Variants in PAK4 observed in about 807,000 individuals in gnomAD.
PAK4 encodes the protein p21 (RAC1) activated kinase 4, also known as serine/threonine-protein kinase PAK 4.
PAK4 carries 49 observed loss-of-function variants against 53.5 expected under a neutral mutation model. The observed-to-expected ratio is 0.92, with a 90% CI of 0.73 to 1.16. The LOEUF (loss-of-function observed/expected upper bound fraction) is 1.16. Ranked by LOEUF, PAK4 falls within the 50% of genes most tolerant of loss-of-function variation. The probability of loss-of-function intolerance (pLI) is 0.00; values close to 1 mark genes in which losing one functional copy is unlikely to be tolerated. For missense variants in PAK4, 824 were observed against 850.7 expected, an observed-to-expected ratio of 0.97 and a Z score of 0.39; for synonymous variants, 376 against 375.6, an observed-to-expected ratio of 1.00 and a Z score of -0.01.
intron 1 of PAK4, among the ~76,000 whole-genome samples, chr19:39,165,795 C>T (rs745651744): frequency 4.6e-5 from 7 of 152,162 alleles, no homozygotes; most frequent in East Asian, 1.9e-4. Flanking sequence ...GAGGATGGAA[C>T]GGGATTAGAC....
chr19:39,182,042 G>T (rs1181743257), downstream of PAK4: 1 of 152,160 alleles, frequency 6.6e-6, no homozygotes, highest in Non-Finnish European at 1.5e-5. Flanking sequence ...CACACCCTCC[G>T]GGGGATGCCG....
In PAK4 at chr19:39,178,161, T is replaced by C. The variant is rs2074646945; in HGVS notation, c.1621-263T>C. On this transcript the variant is annotated intron_variant, in intron 8 of 8. Transcript: ENST00000358301. The surrounding 1 kb of genome is among the most constrained non-coding windows in gnomAD (Gnocchi z 4.4). ...CTCTGGGCCCCAGTTGCTTTCAGCT[T>C]CTTGCTAAACCATGGAAATAGGGAG... Among the ~76,000 whole-genome samples the C allele has an allele frequency of 6.6e-6, 1 of 152,132 alleles. No homozygotes were observed. Among genetic ancestry groups the C allele is most frequent in the Admixed American group, 6.5e-5 (1 of 15,288 alleles).
Position 39,142,268 on chromosome 19 carries a change from C to CT in PAK4, c.-23+16350dup, listed in dbSNP as rs1432193308. Among the ~76,000 whole-genome samples, 6 of 152,310 alleles carry CT rather than the reference C, an allele frequency of 3.9e-5. No homozygotes were observed. The East Asian group carries it at 1.2e-3, about 29-fold the overall frequency. On this transcript the variant is annotated intron_variant, in intron 1 of 8. Transcript: ENST00000358301. ...CTTGTGGTGTCATTGCACGTGTTCTCTGTCTCTGTGCTTCCTGTAAGTTAG... is the reference window on the plus strand; with the variant it reads ...CTTGTGGTGTCATTGCACGTGTTCTCTTGTCTCTGTGCTTCCTGTAAGTTAG...
At chr19:39,143,191 C>T (rs567030152) in intron 1 of PAK4, among the ~76,000 whole-genome samples, 1 of 151,628 alleles carries the variant, frequency 6.6e-6, no homozygotes, top group East Asian at 2.0e-4. Context: ...AGAGCAGAGA[C>T]TCTTGTCTTA....
chr19:39,162,590 C>CAGCCT (rs1237932479), intron 1 of PAK4, among the ~76,000 whole-genome samples: 1 of 152,110 alleles, frequency 6.6e-6, no homozygotes, highest in Non-Finnish European at 1.5e-5. Context: ...TTGAGAATTC[C>CAGCCT]AGCCTCCCCT....
At chr19:39,137,808 A>G (rs939131533) in intron 1 of PAK4, among the ~76,000 whole-genome samples, 2 of 151,674 alleles carry the variant, frequency 1.3e-5, no homozygotes, top group African/African-American at 2.4e-5. Flanking sequence ...CTGGGACTAC[A>G]GTCGTGCGCC....
chr19:39,174,158 G>T (rs1412720646), intron 4 of PAK4, 148 bp downstream of exon 5: 3 of 619,408 alleles, frequency 4.8e-6, no homozygotes, highest in Non-Finnish European at 8.5e-6. Context: ...AGGCCGTCTC[G>T]TCCGCCCCAG....
At chr19:39,156,342 C>G (rs538975900) in intron 1 of PAK4, among the ~76,000 whole-genome samples, 1 of 151,902 alleles carries the variant, frequency 6.6e-6, no homozygotes, top group Admixed American at 6.6e-5. Context: ...GCCACCCCCA[C>G]GTACATACCC....
intron 1 of PAK4, among the ~76,000 whole-genome samples, chr19:39,136,916 A>G (rs1160834764): frequency 6.6e-6 from 1 of 152,194 alleles, no homozygotes; most frequent in Non-Finnish European, 1.5e-5. Context: ...AGGCTGAGGC[A>G]GCTGCCATTG....
At chr19:39,180,330 A>AG (rs1184311938), downstream of PAK4, 1 of 152,210 alleles carries the variant, frequency 6.6e-6, no homozygotes. Flanking sequence ...AAAAAAAAAA[A>AG]TGCTAACATT....
chr19:39,177,945 C>A, intron 8 of PAK4, 136 bp downstream of exon 9: 1 of 1,013,970 alleles, frequency 9.9e-7, no homozygotes, highest in South Asian at 1.7e-5. Flanking sequence ...GCCCCCCACC[C>A]CCGGGCCTCA....
intron 1 of PAK4, among the ~76,000 whole-genome samples, chr19:39,151,204 G>A (rs2074088861): frequency 1.3e-5 from 2 of 152,332 alleles, no homozygotes; most frequent in South Asian, 4.1e-4. Flanking sequence ...GCAGAAAAAG[G>A]CAAAGGCTTT....
intron 1 of PAK4, among the ~76,000 whole-genome samples, chr19:39,130,848 T>C (rs1418041146): frequency 1.3e-5 from 2 of 148,346 alleles, no homozygotes; most frequent in African/African-American, 5.0e-5. Context: ...TTTCCCCTTA[T>C]AAAGATTGCT....
intron 1 of PAK4, among the ~76,000 whole-genome samples, chr19:39,129,531 C>T (rs1038156557): frequency 6.6e-5 from 10 of 152,150 alleles, no homozygotes; most frequent in Non-Finnish European, 1.0e-4. Flanking sequence ...CAGCAGGCTC[C>T]GGGGCTCCCT....
chr19:39,135,787 C>A (rs899521622), intron 1 of PAK4, among the ~76,000 whole-genome samples: 1 of 89,732 alleles, frequency 1.1e-5, no homozygotes. Context: ...AGGCTCCCGG[C>A]CCCCATCTTC....
At chr19:39,151,528 G>GC (rs931536970) in intron 1 of PAK4, among the ~76,000 whole-genome samples, 4 of 152,210 alleles carry the variant, frequency 2.6e-5, no homozygotes, top group Non-Finnish European at 5.9e-5. Context: ...AGTGAGTGTT[G>GC]CCGCACCATT....
chr19:39,127,391 GGTCGCTCAC>G (rs1379154622), intron 1 of PAK4, among the ~76,000 whole-genome samples: 1 of 151,936 alleles, frequency 6.6e-6, no homozygotes, highest in Non-Finnish European at 1.5e-5. Flanking sequence ...CTCACTGACG[GGTCGCTCAC>G]TCTCAGCTGG....
chr19:39,157,977 TCA>T (rs1330531378), intron 1 of PAK4, among the ~76,000 whole-genome samples: 1 of 152,218 alleles, frequency 6.6e-6, no homozygotes, highest in African/African-American at 2.4e-5. Context: ...TGGCATGTCC[TCA>T]CATGCATCTG....
chr19:39,151,221 A>G (rs1175552924), intron 1 of PAK4, among the ~76,000 whole-genome samples: 1 of 152,226 alleles, frequency 6.6e-6, no homozygotes, highest in Non-Finnish European at 1.5e-5. Flanking sequence ...CTTTGAATAG[A>G]CACTTAGCGG....
Sources: allele counts gnomAD v4.1 joint callset (sites outside exome capture counted in the v4.1 genomes callset), GRCh38; gene constraint gnomAD v4.1.1; non-coding constraint Gnocchi (gnomAD v3.1); transcripts MANE v1.5; gene names NCBI Gene and HGNC (gene_info 2026-07-23, HGNC 2026-07-21).